Variants in SLC2A13 observed in about 807,000 individuals in gnomAD.
SLC2A13 encodes proton myo-inositol cotransporter.
A neutral mutation model predicts 64.4 loss-of-function variants in SLC2A13; 32 were observed. That is an observed-to-expected ratio of 0.50 (90% CI 0.37 to 0.67). The LOEUF (loss-of-function observed/expected upper bound fraction) is 0.67, where lower values mean the gene tolerates loss of function less well. SLC2A13 is among the 30% of genes least tolerant of loss of function. The probability of loss-of-function intolerance (pLI) is 0.00; values close to 1 mark genes in which losing one functional copy is unlikely to be tolerated. For synonymous variants in SLC2A13, 338 were observed against 327.1 expected (o/e 1.03, Z -0.36); for missense variants, 743 against 829.2 (o/e 0.90, Z 1.28).
intron 1 of SLC2A13, among the ~76,000 whole-genome samples, chr12:40,088,911 C>G (rs1938674121): frequency 6.6e-6 from 1 of 152,100 alleles, no homozygotes; most frequent in East Asian, 1.9e-4. Context: ...GAAGGCAGCA[C>G]CCACTGGTTT....
intron 5 of SLC2A13, among the ~76,000 whole-genome samples, chr12:39,866,976 T>C (rs766890386): frequency 6.6e-6 from 1 of 152,192 alleles, no homozygotes; most frequent in African/African-American, 2.4e-5. Flanking sequence ...TTTGTTTAAC[T>C]ACTGTTGGCT....
chr12:39,810,861 G>C (rs543659028), intron 7 of SLC2A13, among the ~76,000 whole-genome samples: 2 of 152,096 alleles, frequency 1.3e-5, no homozygotes, highest in Non-Finnish European at 2.9e-5. Context: ...ATACAAGGGA[G>C]ATACTGCGAT....
At chr12:40,064,369 C>A (rs1948476986) in intron 1 of SLC2A13, among the ~76,000 whole-genome samples, 1 of 151,954 alleles carries the variant, frequency 6.6e-6, no homozygotes, top group African/African-American at 2.4e-5. Flanking sequence ...AACTTTTTAA[C>A]ATATAAGTTT....
intron 7 of SLC2A13, among the ~76,000 whole-genome samples, chr12:39,768,854 G>A (rs1231581586): frequency 6.6e-6 from 1 of 152,050 alleles, no homozygotes; most frequent in African/African-American, 2.4e-5. Context: ...AGACTGGCTT[G>A]ATGCAGGGCT....
intron 4 of SLC2A13, among the ~76,000 whole-genome samples, chr12:39,894,166 C>A (rs980637610): frequency 2.0e-5 from 3 of 152,282 alleles, no homozygotes; most frequent in Middle Eastern, 3.4e-3. Flanking sequence ...AGTAACAGCT[C>A]AATGAACTAA....
intron 1 of SLC2A13, among the ~76,000 whole-genome samples, chr12:40,061,151 C>G (rs1948414146): frequency 6.6e-6 from 1 of 151,716 alleles, no homozygotes; most frequent in South Asian, 2.1e-4. Flanking sequence ...CACACACAAG[C>G]AAGGCAATTC....
chr12:40,093,660 G>C (rs951928994), intron 1 of SLC2A13, among the ~76,000 whole-genome samples: 5 of 152,150 alleles, frequency 3.3e-5, no homozygotes, highest in Non-Finnish European at 7.4e-5. Context: ...AAGAGAGAAA[G>C]GGAAAGAGTG....
chr12:39,965,540 A>G (rs1453461831), intron 3 of SLC2A13, among the ~76,000 whole-genome samples: 1 of 152,198 alleles, frequency 6.6e-6, no homozygotes, highest in Non-Finnish European at 1.5e-5. Context: ...CAATTTACGT[A>G]CCAAGAAACC....
At chr12:40,077,153 T>C (rs960785391) in intron 1 of SLC2A13, among the ~76,000 whole-genome samples, 3 of 152,204 alleles carry the variant, frequency 2.0e-5, no homozygotes, top group Non-Finnish European at 4.4e-5. Flanking sequence ...CTCTTTAGTT[T>C]AACTAGATCC....
chr12:40,041,497 C>T (rs1389871838), intron 2 of SLC2A13, among the ~76,000 whole-genome samples: 1 of 152,156 alleles, frequency 6.6e-6, no homozygotes, highest in East Asian at 1.9e-4. Context: ...TGGGAGCTCC[C>T]ATTACACTAT....
At chr12:39,934,479 T>C (rs888784472) in intron 4 of SLC2A13, among the ~76,000 whole-genome samples, 3 of 152,352 alleles carry the variant, frequency 2.0e-5, no homozygotes, top group Middle Eastern at 3.4e-3. Flanking sequence ...CAATGCCATC[T>C]CTGGAAATGT....
chr12:39,797,744 A>ACGCG (rs1461347227), intron 7 of SLC2A13, among the ~76,000 whole-genome samples: 3 of 150,334 alleles, frequency 2.0e-5, no homozygotes, highest in Admixed American at 6.6e-5. Flanking sequence ...ACACACACAC[A>ACGCG]CACACACACA....
intron 7 of SLC2A13, among the ~76,000 whole-genome samples, chr12:39,804,282 A>G (rs6581351): frequency 0.6 from 91,935 of 151,986 alleles, 29,275 homozygotes; most frequent in Non-Finnish European, 0.7. Flanking sequence ...GTAGTTATCA[A>G]GGATAAATGT....
intron 3 of SLC2A13, among the ~76,000 whole-genome samples, chr12:39,995,006 T>G (rs927846397): frequency 1.3e-5 from 2 of 152,240 alleles, no homozygotes; most frequent in African/African-American, 4.8e-5. Flanking sequence ...TCCCCAAAAT[T>G]CATACATAAA....
intron 7 of SLC2A13, among the ~76,000 whole-genome samples, chr12:39,828,059 A>G (rs1942743157): frequency 6.6e-6 from 1 of 152,090 alleles, no homozygotes; most frequent in Non-Finnish European, 1.5e-5. Flanking sequence ...CCAAACCACC[A>G]ATCAACCAAC....
chr12:39,766,104 C>T (rs1940340231), intron 7 of SLC2A13, among the ~76,000 whole-genome samples: 1 of 152,112 alleles, frequency 6.6e-6, no homozygotes. Context: ...TTGAGCCTTC[C>T]TTTTCTGATC....
intron 1 of SLC2A13, among the ~76,000 whole-genome samples, chr12:40,051,268 G>C (rs538504048): frequency 6.6e-6 from 1 of 152,200 alleles, no homozygotes; most frequent in Non-Finnish European, 1.5e-5. Flanking sequence ...CACAGAACAT[G>C]AGCTTAAATC....
At chr12:39,963,681 G>A (rs1187937263) in intron 3 of SLC2A13, among the ~76,000 whole-genome samples, 1 of 152,164 alleles carries the variant, frequency 6.6e-6, no homozygotes, top group African/African-American at 2.4e-5. Context: ...TCAGAGCAGA[G>A]CATTTTGAGA....
In SLC2A13 at chr12:39,858,425, T is replaced by C. The variant is rs930598487; in HGVS notation, c.1319+6337A>G. 2.6e-5 allele frequency among the ~76,000 whole-genome samples: 4 copies of C among 152,092 alleles called. No homozygotes were observed. The South Asian group carries it at 8.3e-4, about 32-fold the overall frequency. On this transcript the variant is annotated intron_variant, in intron 6 of 9. Coordinates refer to ENST00000280871, the MANE Select transcript of SLC2A13 (RefSeq NM_052885.4). Reference sequence around the variant, plus strand: ...ACCATGCCAAAAAAATTGAAACAGATTCATTTTATAGGAAATTAGTAAGAA... The same window carrying C: ...ACCATGCCAAAAAAATTGAAACAGACTCATTTTATAGGAAATTAGTAAGAA...
Sources: gnomAD v4.1 joint callset for allele counts (sites outside exome capture counted in the v4.1 genomes callset) on GRCh38, gnomAD v4.1.1 for gene constraint, MANE v1.5 for transcripts, NCBI Gene and HGNC (gene_info 2026-07-23, HGNC 2026-07-21) for gene names.